VTI1A: variants seen among roughly 807,000 people sequenced by gnomAD.
VTI1A encodes the protein vesicle transport through interaction with t-SNAREs homolog 1A.
A neutral mutation model predicts 34.9 loss-of-function variants in VTI1A; 22 were observed. That is an observed-to-expected ratio of 0.63 (90% confidence interval 0.45 to 0.90). The LOEUF (loss-of-function observed/expected upper bound fraction) is 0.90, where lower values mean the gene tolerates loss of function less well. VTI1A is among the 40% of genes least tolerant of loss of function. VTI1A has a pLI of 0.00. For synonymous variants in VTI1A, 87 were observed against 97.3 expected, an observed-to-expected ratio of 0.89 and a Z score of 0.62; for missense variants, 268 against 275.6, an observed-to-expected ratio of 0.97 and a Z score of 0.20.
intron 5 of VTI1A, among the ~76,000 whole-genome samples, chr10:112,597,663 C>A (rs1214212298): frequency 6.6e-6 from 1 of 151,088 alleles, no homozygotes; most frequent in African/African-American, 2.4e-5. Flanking sequence ...CATTGCACTC[C>A]AGCCTGGGCA....
rs867865584 is a variant in VTI1A at position 112,688,526 on chromosome 10, T to G, written c.560+19528T>G. On this transcript the variant is annotated intron_variant, in intron 7 of 7. Transcript: ENST00000393077. ...CTACTAATGTCAATTTTTTTCTTTT[T>G]TTTTTTTTTTTTGAGATGGAGTTTT... Among the ~76,000 whole-genome samples, 136 of 149,504 alleles carry G rather than the reference T, an allele frequency of 9.1e-4. 1 individual carries two copies. Among genetic ancestry groups the G allele is most frequent in the African/African-American group, 3.2e-3 (132 of 40,756 alleles).
rs760285411 is a variant in VTI1A, at chr10:112,538,313, A to G, written c.410A>G (p.Gln137Arg). 3 of 1,613,750 alleles carry G rather than the reference A, an allele frequency of 1.9e-6. No individual in the cohort carries two copies. The South Asian group carries it at 3.3e-5, about 18-fold the overall frequency. Residue 137 changes from glutamine to arginine, a missense_variant, in exon 5 of 8, where the codon CAA (glutamine) becomes CGA (arginine). Transcript: ENST00000393077. ...TCTCGGAGACTAGAGGCTGGATACC[A>G]AATAGCAGTGGAAACCGGTAAGAAT... ...RSSRRLEAGY[Q>R]IAVETEQIGQ...
chr10:112,618,858 T>C (rs1218506363), intron 5 of VTI1A, among the ~76,000 whole-genome samples: 1 of 152,080 alleles, frequency 6.6e-6, no homozygotes, highest in Non-Finnish European at 1.5e-5. Flanking sequence ...GTAGTTCAGC[T>C]TGACTGGCTA....
chr10:112,642,985 T>TC (rs1167909865), intron 5 of VTI1A, among the ~76,000 whole-genome samples: 1 of 148,234 alleles, frequency 6.7e-6, no homozygotes, highest in African/African-American at 2.5e-5. Context: ...TTCTTTTTTT[T>TC]TTTTTTTTTG....
At chr10:112,623,382 T>C (rs987887173) in intron 5 of VTI1A, among the ~76,000 whole-genome samples, 1 of 152,116 alleles carries the variant, frequency 6.6e-6, no homozygotes. Flanking sequence ...GGCATGTGTG[T>C]ATGTATATAT....
intron 4 of VTI1A, among the ~76,000 whole-genome samples, chr10:112,535,135 G>A (rs1362248522): frequency 1.3e-5 from 2 of 151,942 alleles, no homozygotes; most frequent in East Asian, 1.9e-4. Context: ...CTTTTCTTAT[G>A]CCTGTAGCAG....
At chr10:112,700,428 A>T (rs1298020993) in intron 7 of VTI1A, among the ~76,000 whole-genome samples, 1 of 152,234 alleles carries the variant, frequency 6.6e-6, no homozygotes, top group African/African-American at 2.4e-5. Flanking sequence ...TTGAGCATGA[A>T]CTATGAGCTA....
At chr10:112,649,676 T>C (rs990406156) in intron 5 of VTI1A, among the ~76,000 whole-genome samples, 2 of 152,202 alleles carry the variant, frequency 1.3e-5, no homozygotes, top group Non-Finnish European at 2.9e-5. Flanking sequence ...CATTTCATCA[T>C]TGTGCAAATA....
chr10:112,687,547 C>T (rs914055650), intron 7 of VTI1A, among the ~76,000 whole-genome samples: 1 of 151,224 alleles, frequency 6.6e-6, no homozygotes, highest in African/African-American at 2.4e-5. Flanking sequence ...TTTTTTTAAG[C>T]AACAATTTTG....
chr10:112,549,640 A>T (rs1040465565), intron 5 of VTI1A, among the ~76,000 whole-genome samples: 1 of 152,324 alleles, frequency 6.6e-6, no homozygotes, highest in East Asian at 1.9e-4. Context: ...TGACAGAGAA[A>T]GTTCTTTCTC....
intron 7 of VTI1A, among the ~76,000 whole-genome samples, chr10:112,797,614 T>G (rs1171753990): frequency 6.6e-6 from 1 of 152,138 alleles, no homozygotes; most frequent in East Asian, 1.9e-4. Context: ...ATATTCCAAG[T>G]ATGATATGAT....
chr10:112,546,497 A>T (rs181646620), intron 5 of VTI1A, among the ~76,000 whole-genome samples: 49 of 152,214 alleles, frequency 3.2e-4, no homozygotes, highest in Non-Finnish European at 6.0e-4. Context: ...TGGCACTGGG[A>T]TGGTCTTTTC....
At chr10:112,539,948 A>T (rs1170485201) in intron 5 of VTI1A, among the ~76,000 whole-genome samples, 2 of 152,194 alleles carry the variant, frequency 1.3e-5, no homozygotes, top group Non-Finnish European at 2.9e-5. Flanking sequence ...TTACTTTGAC[A>T]ATCCTTGGGG....
chr10:112,680,371 AGTT>A (rs2133858079), intron 7 of VTI1A, among the ~76,000 whole-genome samples: 1 of 152,356 alleles, frequency 6.6e-6, no homozygotes, highest in South Asian at 2.1e-4. Flanking sequence ...TGGTATAGAT[AGTT>A]GAGACCTACA....
chr10:112,834,281 C>T, the VTI1A span, among the ~76,000 whole-genome samples: 24 of 152,150 alleles, frequency 1.6e-4, no homozygotes, highest in Non-Finnish European at 3.2e-4. Flanking sequence ...GGAGCTTGTT[C>T]TCTTAGTTCA....
At chr10:112,578,342 T>C (rs1843785127) in intron 5 of VTI1A, among the ~76,000 whole-genome samples, 1 of 152,118 alleles carries the variant, frequency 6.6e-6, no homozygotes, top group Non-Finnish European at 1.5e-5. Context: ...AAGGGAGAGT[T>C]AGGAGAAACC....
intron 3 of VTI1A, among the ~76,000 whole-genome samples, chr10:112,526,459 C>G (rs1440634741): frequency 6.6e-6 from 1 of 152,108 alleles, no homozygotes; most frequent in Non-Finnish European, 1.5e-5. Context: ...CACACACACA[C>G]TTTCATTACT....
rs575454925 is a variant in VTI1A at position 112,470,642 on chromosome 10, C to T, written c.264+5985C>T. Among the ~76,000 whole-genome samples, 5 of 152,166 alleles carry T rather than the reference C, an allele frequency of 3.3e-5. No individual in the cohort carries two copies. The East Asian group carries it at 5.8e-4, about 18-fold the overall frequency. On this transcript the variant is annotated intron_variant, in intron 3 of 7. Transcript: ENST00000393077. ...CTGTAATCCCAGCACTTTGGGAGGC[C>T]GAGGCAGGCGGATCACTTGAAGTCA...
intron 2 of VTI1A, among the ~76,000 whole-genome samples, chr10:112,460,881 T>G (rs1847706617): frequency 6.6e-6 from 1 of 152,242 alleles, no homozygotes; most frequent in Non-Finnish European, 1.5e-5. Flanking sequence ...GACACTGGAT[T>G]AAAAATACTA....
Sources: gnomAD v4.1 joint callset for allele counts (sites outside exome capture counted in the v4.1 genomes callset) on GRCh38, gnomAD v4.1.1 for gene constraint, MANE v1.5 for transcripts, NCBI Gene and HGNC (gene_info 2026-07-23, HGNC 2026-07-21) for gene names.